The following COLEC10 variants were observed in gnomAD, a reference collection of about 807,000 sequenced individuals.
COLEC10 encodes the protein collectin subfamily member 10, also known as collectin-10.
In COLEC10, 22 loss-of-function variants were observed where a neutral mutation model predicts 28.4. The ratio of observed to expected loss-of-function variants is 0.78; its 90% CI spans 0.55 to 1.11. The LOEUF is 1.11. Ranked by LOEUF, COLEC10 falls within the 50% of genes least tolerant of loss-of-function variation. The pLI is 0.00. For missense variants in COLEC10, 361 were observed against 344.1 expected, an observed-to-expected ratio of 1.05 and a Z score of -0.39; for synonymous variants, 125 against 116.1, an observed-to-expected ratio of 1.08 and a Z score of -0.49.
intron 1 of COLEC10, among the ~76,000 whole-genome samples, chr8:119,007,494 G>T (rs920789066): frequency 2.0e-5 from 3 of 149,844 alleles, no homozygotes; most frequent in Admixed American, 6.6e-5. Context: ...GGTTGACTAA[G>T]TAAAAGTAGC....
chr8:119,042,404 AT>A lies in COLEC10; in HGVS notation n.235+32854del, dbSNP rs1239987173. On this transcript the variant is annotated intron_variant and non_coding_transcript_variant, in intron 2 of 6. Coordinates refer to the COLEC10 transcript ENST00000521788. ...TTTCTCTAAGCTTTTATTTAACTTAATTTATTTATTTATTTATTTATTTATT... is the reference window on the plus strand; with the variant it reads ...TTTCTCTAAGCTTTTATTTAACTTAATTATTTATTTATTTATTTATTTATT... Among the ~76,000 whole-genome samples, 92 of 20,722 alleles carry A rather than the reference AT, an allele frequency of 4.4e-3. No homozygotes were observed. In the East Asian group the frequency reaches 0.087, roughly 20 times the overall value. 13.6% of individuals were successfully genotyped at this position (20,722 alleles called of 152,430 possible).
rs549765077 is a variant in COLEC10 at position 119,060,799 on chromosome 8, A to G, written n.236-28881A>G. ...ATACTGTCATTAGTCAACTAACTCCACTTGCATATGCAGAGCTTCCAAATA... is the reference window on the plus strand; with the variant it reads ...ATACTGTCATTAGTCAACTAACTCCGCTTGCATATGCAGAGCTTCCAAATA... On this transcript the variant is annotated intron_variant and non_coding_transcript_variant, in intron 2 of 6. Coordinates refer to the COLEC10 transcript ENST00000521788. Among the ~76,000 whole-genome samples, 6 of 152,290 alleles carry G rather than the reference A, an allele frequency of 3.9e-5. No individual in the cohort carries two copies. In the East Asian group the frequency reaches 1.2e-3, roughly 29 times the overall value.
chr8:119,007,623 C>A (rs1368357255), intron 1 of COLEC10, among the ~76,000 whole-genome samples: 1 of 151,144 alleles, frequency 6.6e-6, no homozygotes, highest in Non-Finnish European at 1.5e-5. Flanking sequence ...AAACTTTCAA[C>A]TTACTAGTGA....
intron 1 of COLEC10, 97 bp downstream of exon 1, chr8:119,067,526 C>A: frequency 8.7e-7 from 1 of 1,144,022 alleles, no homozygotes; most frequent in Non-Finnish European, 1.2e-6. Flanking sequence ...TCTCTTCTCT[C>A]CTCCCTAGTT....
intron 1 of COLEC10, among the ~76,000 whole-genome samples, chr8:119,081,963 A>G (rs1001656259): frequency 5.3e-5 from 8 of 152,322 alleles, no homozygotes; most frequent in South Asian, 2.1e-4. Flanking sequence ...GGCACTTGAG[A>G]TACATCAATG....
chr8:119,051,796 C>T (rs565135125), intron 2 of COLEC10, among the ~76,000 whole-genome samples: 9 of 151,968 alleles, frequency 5.9e-5, no homozygotes, highest in Admixed American at 3.9e-4. Flanking sequence ...ATGTGGCAAG[C>T]GATAAAGTTA....
intron 1 of COLEC10, among the ~76,000 whole-genome samples, chr8:119,002,526 G>T (rs1048891778): frequency 2.6e-5 from 4 of 152,054 alleles, no homozygotes; most frequent in Non-Finnish European, 4.4e-5. Context: ...TGGATTCGGG[G>T]CCAGGACCCA....
In COLEC10 at chr8:119,103,880, A is replaced by T; in HGVS notation, c.427A>T (p.Lys143Ter). ...ISIARLKTSM[K>*]FVKNVIAGIR... ...TATTGCTCGGCTCAAGACATCTATG[A>T]AGTTTGTCAAGAATGGTGAGCATAT... The change falls in exon 5 of 6, where the codon AAG becomes TAG. Residue 143 changes from lysine (K) to a stop codon, truncating the protein, a stop_gained. Coordinates refer to ENST00000332843, the MANE Select transcript of COLEC10 (RefSeq NM_006438.5). LOFTEE classifies it high-confidence loss of function. 6.2e-7 allele frequency: 1 copy of T among 1,609,240 alleles called. No homozygotes were observed. The highest frequency in any genetic ancestry group is 8.5e-7 in the Non-Finnish European group (1 of 1,175,874).
At chr8:119,022,368 GT>G (rs1814114947) in intron 2 of COLEC10, among the ~76,000 whole-genome samples, 2 of 152,192 alleles carry the variant, frequency 1.3e-5, no homozygotes, top group Non-Finnish European at 2.9e-5. Context: ...TGATAAATCT[GT>G]GATGAATGAA....
chr8:119,004,920 A>G (rs7013203), intron 1 of COLEC10, among the ~76,000 whole-genome samples: 97,960 of 151,824 alleles, frequency 0.65, 32,635 homozygotes, highest in African/African-American at 0.81. Context: ...GCTAAAAATG[A>G]TCCTATTTAT....
chr8:119,036,576 A>T (rs1193567215), intron 2 of COLEC10, among the ~76,000 whole-genome samples: 2 of 152,204 alleles, frequency 1.3e-5, no homozygotes, highest in Non-Finnish European at 2.9e-5. Flanking sequence ...CTATCTGTGT[A>T]CCTTCCTTTA....
intron 1 of COLEC10, among the ~76,000 whole-genome samples, chr8:119,003,191 T>C (rs1381881812): frequency 6.6e-6 from 1 of 152,142 alleles, no homozygotes; most frequent in Non-Finnish European, 1.5e-5. Flanking sequence ...ACTATGTTTT[T>C]CAACTACTTT....
In COLEC10 at chr8:119,026,082, G is replaced by A. The variant is rs531495808; in HGVS notation, n.235+16529G>A. Among the ~76,000 whole-genome samples, 18 of 152,198 alleles carry A rather than the reference G, an allele frequency of 1.2e-4. No individual in the cohort carries two copies. The South Asian group carries it at 3.3e-3, about 28-fold the overall frequency. ...TCCTCCCTTGACTTTCACAGTAACT[G>A]GTTCAACATTTTCTCAGTTCTTTTC... On this transcript the variant is annotated intron_variant and non_coding_transcript_variant, in intron 2 of 6. Coordinates refer to the COLEC10 transcript ENST00000521788.
chr8:118,987,435 A>G, the COLEC10 span, among the ~76,000 whole-genome samples: 1 of 152,110 alleles, frequency 6.6e-6, no homozygotes, highest in Non-Finnish European at 1.5e-5. Flanking sequence ...GTGGTGGTAC[A>G]GGGCTGTAAT....
At chr8:119,101,940 A>G (rs186044460) in intron 3 of COLEC10, among the ~76,000 whole-genome samples, 2 of 152,144 alleles carry the variant, frequency 1.3e-5, no homozygotes, top group Non-Finnish European at 2.9e-5. Context: ...AATTGAAAAC[A>G]TGCTGAGAAT....
At chr8:119,007,898 T>A (rs1369215032) in intron 1 of COLEC10, among the ~76,000 whole-genome samples, 1 of 150,936 alleles carries the variant, frequency 6.6e-6, no homozygotes, top group Non-Finnish European at 1.5e-5. Context: ...GAATTAAATA[T>A]CTTCATAGGT....
At chr8:119,037,969 A>T (rs1217303582) in intron 2 of COLEC10, among the ~76,000 whole-genome samples, 1 of 152,194 alleles carries the variant, frequency 6.6e-6, no homozygotes, top group Non-Finnish European at 1.5e-5. Context: ...TGCTATTCAC[A>T]AACACAGAGT....
intron 2 of COLEC10, among the ~76,000 whole-genome samples, chr8:119,048,095 A>G (rs1187954983): frequency 2.0e-5 from 3 of 152,178 alleles, no homozygotes; most frequent in Non-Finnish European, 4.4e-5. Context: ...GCATTCAGGT[A>G]TTAAGCCTAG....
chr8:119,096,356 C>A (rs1815716775), intron 3 of COLEC10, among the ~76,000 whole-genome samples: 1 of 152,202 alleles, frequency 6.6e-6, no homozygotes, highest in African/African-American at 2.4e-5. Flanking sequence ...CTTTGGGAAG[C>A]CAAGGCATGT....
Sources: gnomAD v4.1 joint callset for allele counts (sites outside exome capture counted in the v4.1 genomes callset) on GRCh38, gnomAD v4.1.1 for gene constraint, MANE v1.5 for transcripts, NCBI Gene and HGNC (gene_info 2026-07-23, HGNC 2026-07-21) for gene names.